LUC7L2: variants seen among roughly 807,000 people sequenced by gnomAD.
The protein encoded by LUC7L2 is putative RNA-binding protein Luc7-like 2.
LUC7L2 carries 25 observed loss-of-function variants against 52.8 expected under a neutral mutation model. The ratio of observed to expected loss-of-function variants is 0.47; its 90% CI spans 0.34 to 0.66. The LOEUF is 0.66. Among genes scored for constraint, LUC7L2 ranks in the 30% least tolerant of loss-of-function variants. LUC7L2 has a pLI of 0.01. For missense variants in LUC7L2, 328 were observed against 497.8 expected (o/e 0.66, Z 3.25); for synonymous variants, 144 against 160.9 (o/e 0.89, Z 0.80).
chr7:139,376,778 G>A (rs778646257), intron 2 of LUC7L2, among the ~76,000 whole-genome samples: 7 of 152,194 alleles, frequency 4.6e-5, no homozygotes, highest in Non-Finnish European at 1.0e-4. Flanking sequence ...GGATTTGGTT[G>A]AAATGATTAC....
upstream of LUC7L2, among the ~76,000 whole-genome samples, chr7:139,355,692 C>T (rs1585066919): frequency 6.6e-6 from 1 of 152,102 alleles, no homozygotes; most frequent in Non-Finnish European, 1.5e-5. Flanking sequence ...AAAAAGGCAT[C>T]GGCTTTGAAA....
intron 1 of LUC7L2, among the ~76,000 whole-genome samples, chr7:139,364,711 A>G (rs1388878595): frequency 6.6e-6 from 1 of 152,246 alleles, no homozygotes; most frequent in Non-Finnish European, 1.5e-5. Flanking sequence ...TCTGTAAGAT[A>G]GTATGACATT....
intron 1 of LUC7L2, among the ~76,000 whole-genome samples, chr7:139,348,020 CTG>C (rs1359641733): frequency 6.6e-6 from 1 of 151,890 alleles, no homozygotes; most frequent in African/African-American, 2.4e-5. Context: ...TATTTGTTCT[CTG>C]TTTTATTTCA....
chr7:139,398,780 A>G, intron 3 of LUC7L2, 83 bp downstream of exon 3: 1 of 1,326,540 alleles, frequency 7.5e-7, no homozygotes, highest in East Asian at 2.5e-5. Context: ...TTAATAGGAA[A>G]AACTCTTAGC....
At chr7:139,396,737 C>T (rs1794677019) in intron 2 of LUC7L2, among the ~76,000 whole-genome samples, 1 of 152,118 alleles carries the variant, frequency 6.6e-6, no homozygotes, top group Non-Finnish European at 1.5e-5. Context: ...TAGAGAGTTC[C>T]TACTTTGTTT....
At chr7:139,409,188 T>C (rs1056836591) in intron 6 of LUC7L2, among the ~76,000 whole-genome samples, 6 of 151,944 alleles carry the variant, frequency 3.9e-5, no homozygotes, top group African/African-American at 1.5e-4. Flanking sequence ...CACCTGTTAA[T>C]TCCAACACTT....
In LUC7L2 at chr7:139,405,501, T is replaced by A. The variant is rs1585123102; in HGVS notation, c.367-143T>A. The stretch of plus-strand genomic sequence containing the variant: ...TCAGAACATCCTGATGTCTCAGTAG[T>A]TCATTTGGGATACGCTCAGAAAGCA... On this transcript the variant is annotated intron_variant, in intron 4 of 9. Coordinates refer to ENST00000354926, the MANE Select transcript of LUC7L2 (RefSeq NM_016019.5). The A allele has an allele frequency of 1.6e-5, 17 of 1,061,946 alleles. No individual in the cohort carries two copies. In the East Asian group the frequency reaches 4.8e-4, roughly 30 times the overall value. 65.8% of individuals were successfully genotyped at this position (1,061,946 alleles called of 1,614,324 possible). A position where few individuals can be genotyped will look rare whatever the true frequency, so the allele number is the denominator to read the frequency against.
chr7:139,369,146 G>T lies in LUC7L2; in HGVS notation c.62-6916G>T, dbSNP rs183014915. Among the ~76,000 whole-genome samples, 242 of 152,228 alleles carry T rather than the reference G, an allele frequency of 1.6e-3. 1 individual carries two copies. The highest frequency in any genetic ancestry group is 5.5e-3 in the African/African-American group (227 of 41,536). ...TTTCAGCTATTGCTTGATAGCCAAA[G>T]ATAGCTTTCGTTACTTCTAATTTTG... is the stretch of plus-strand genomic sequence containing the variant. On this transcript the variant is annotated intron_variant, in intron 1 of 9. Coordinates refer to ENST00000354926, the MANE Select transcript of LUC7L2 (RefSeq NM_016019.5).
intron 1 of LUC7L2, among the ~76,000 whole-genome samples, chr7:139,342,825 A>C (rs1304036940): frequency 6.6e-6 from 1 of 152,128 alleles, no homozygotes; most frequent in Non-Finnish European, 1.5e-5. Flanking sequence ...TAACATTATT[A>C]CCCTTGAGAG....
At chr7:139,368,737 CAAA>C (rs779546165) in intron 1 of LUC7L2, among the ~76,000 whole-genome samples, 3 of 110,640 alleles carry the variant, frequency 2.7e-5, no homozygotes, top group African/African-American at 3.5e-5. Context: ...GACACCGTCT[CAAA>C]AAAAAAAAAA....
chr7:139,422,170 A>G lies in LUC7L2; in HGVS notation c.1009A>G (p.Lys337Glu), dbSNP rs1795936212. The G allele has an allele frequency of 1.3e-6, 2 of 1,590,876 alleles. No individual in the cohort carries two copies. The highest frequency in any genetic ancestry group is 1.7e-4 in the Middle Eastern group (1 of 5,952). ...CAAATTAATATTTTTCAGATCCTCA[A>G]AAGAAAGATTCAGAGACCAAGACTT... Reference protein sequence around the residue: ...SRERSKRRSSKERFRDQDLAS... With the variant: ...SRERSKRRSSEERFRDQDLAS... Residue 337 changes from lysine to glutamate, a missense_variant, in exon 10 of 10, where the codon AAA becomes GAA. Around this residue, in one of 2 missense-constraint regions of LUC7L2, gnomAD observed 195 missense variants for 223.3 expected, o/e 0.87. Coordinates refer to ENST00000354926, the MANE Select transcript of LUC7L2 (RefSeq NM_016019.5).
At chr7:139,390,177 G>A (rs192076954) in intron 2 of LUC7L2, among the ~76,000 whole-genome samples, 8 of 152,144 alleles carry the variant, frequency 5.3e-5, no homozygotes, top group African/African-American at 1.2e-4. Context: ...TGGATAATAC[G>A]AGGTAAAGAG....
chr7:139,344,350 T>C (rs1338834324), intron 1 of LUC7L2, among the ~76,000 whole-genome samples: 1 of 152,184 alleles, frequency 6.6e-6, no homozygotes, highest in Non-Finnish European at 1.5e-5. Flanking sequence ...TAAAATGCTG[T>C]AGTATTTGCA....
At chr7:139,386,369 T>C (rs1443520307) in intron 2 of LUC7L2, among the ~76,000 whole-genome samples, 1 of 151,678 alleles carries the variant, frequency 6.6e-6, no homozygotes, top group East Asian at 1.9e-4. Context: ...TTACAAAATC[T>C]CTGTCACTGG....
At chr7:139,413,607 A>G (rs935938170) in intron 8 of LUC7L2, among the ~76,000 whole-genome samples, 4 of 152,118 alleles carry the variant, frequency 2.6e-5, no homozygotes, top group Admixed American at 6.6e-5. Context: ...GCGAAACTCC[A>G]TCTCTACTAA....
rs894456182 is a variant in LUC7L2 at position 139,422,416 on chromosome 7, G to C, written c.*76G>C. 3 of 1,519,232 alleles carry C rather than the reference G, an allele frequency of 2.0e-6. No homozygotes were observed. The highest frequency in any genetic ancestry group is 2.6e-6 in the Non-Finnish European group (3 of 1,135,690). 94.1% of individuals were successfully genotyped at this position (1,519,232 alleles called of 1,614,324 possible). ...TATTGTTTAGTTCACAGCTGTTCAG[G>C]GTGACAGTGAGCAGATCCAGACACC... On this transcript the variant is annotated 3_prime_UTR_variant, in exon 10 of 10. Transcript: ENST00000354926.
chr7:139,357,816 G>A (rs987700548), upstream of LUC7L2, among the ~76,000 whole-genome samples: 10 of 149,922 alleles, frequency 6.7e-5, no homozygotes, highest in African/African-American at 2.5e-4. Context: ...CTCAGCCTCC[G>A]GTGTAGCTGG....
intron 1 of LUC7L2, chr7:139,375,687 C>G: frequency 4.4e-6 from 4 of 904,462 alleles, no homozygotes; most frequent in Non-Finnish European, 5.3e-6. Context: ...CCAGTATAAA[C>G]TCTCTTAGTG....
chr7:139,420,414 G>C (rs1437115658), intron 9 of LUC7L2, among the ~76,000 whole-genome samples: 1 of 152,102 alleles, frequency 6.6e-6, no homozygotes, highest in Admixed American at 6.6e-5. Flanking sequence ...TGTTGGCCGG[G>C]CTGGTCTCAA....
Sources: gnomAD v4.1 joint callset for allele counts (sites outside exome capture counted in the v4.1 genomes callset) on GRCh38, gnomAD v4.1.1 for gene constraint, gnomAD v4.1.1 regional missense constraint, MANE v1.5 for transcripts, NCBI Gene and HGNC (gene_info 2026-07-23, HGNC 2026-07-21) for gene names.